Variants in NUMB observed in about 807,000 individuals in gnomAD.
NUMB encodes the protein NUMB endocytic adaptor protein.
In NUMB, 29 loss-of-function variants were observed where a neutral mutation model predicts 59.7. The ratio of observed to expected loss-of-function variants is 0.49; its 90% confidence interval spans 0.36 to 0.66. The LOEUF (loss-of-function observed/expected upper bound fraction) is 0.66. NUMB is among the 30% of genes least tolerant of loss of function. The pLI, the probability that NUMB is intolerant of heterozygous loss-of-function variation, is 0.00. For synonymous variants in NUMB, 288 were observed against 288.2 expected, an observed-to-expected ratio of 1.00 and a Z score of 0.01; for missense variants, 723 against 822.0, an observed-to-expected ratio of 0.88 and a Z score of 1.47.
chr14:73,367,348 T>TAG (rs71112740), intron 2 of NUMB, among the ~76,000 whole-genome samples: 1,106 of 105,296 alleles, frequency 0.011, 24 homozygotes, highest in African/African-American at 0.043. Flanking sequence ...TATATATATA[T>TAG]AGAGAGAGAG....
intron 6 of NUMB, among the ~76,000 whole-genome samples, chr14:73,315,960 C>T (rs978742704): frequency 1.9e-4 from 29 of 152,108 alleles, no homozygotes; most frequent in African/African-American, 4.8e-4. Context: ...GATCTCGGCT[C>T]ACTGCAACCT....
At chr14:73,408,990 A>C (rs1336249527) in intron 2 of NUMB, among the ~76,000 whole-genome samples, 12 of 152,184 alleles carry the variant, frequency 7.9e-5, no homozygotes, top group Admixed American at 7.9e-4. Context: ...AGAACACATC[A>C]AATTCTTATT....
intron 1 of NUMB, among the ~76,000 whole-genome samples, chr14:73,437,930 A>G (rs1327855434): frequency 6.6e-6 from 1 of 152,268 alleles, no homozygotes; most frequent in East Asian, 1.9e-4. Context: ...AATGTTAATG[A>G]TCATATTTTA....
intron 6 of NUMB, among the ~76,000 whole-genome samples, chr14:73,302,409 T>C (rs995202460): frequency 3.1e-4 from 31 of 100,202 alleles, no homozygotes; most frequent in Non-Finnish European, 5.1e-5. Context: ...ACATTTCTTT[T>C]TTTTTTTTTT....
chr14:73,318,465 G>A (rs1427109560), intron 5 of NUMB, among the ~76,000 whole-genome samples: 1 of 152,152 alleles, frequency 6.6e-6, no homozygotes, highest in Non-Finnish European at 1.5e-5. Flanking sequence ...GTAGTATAAT[G>A]AAACTAGTCT....
At chr14:73,429,056 C>A (rs892447933) in intron 1 of NUMB, among the ~76,000 whole-genome samples, 4 of 152,142 alleles carry the variant, frequency 2.6e-5, no homozygotes, top group Non-Finnish European at 4.4e-5. Context: ...TCTTCCAATC[C>A]CTCGCAACCA....
intron 9 of NUMB, chr14:73,284,594 G>A: frequency 2.4e-6 from 1 of 408,204 alleles, no homozygotes; most frequent in African/African-American, 2.0e-5. Context: ...AGACAGAAAT[G>A]TTAGATCTTT....
At chr14:73,419,497 A>G (rs886604247) in intron 1 of NUMB, among the ~76,000 whole-genome samples, 1 of 152,256 alleles carries the variant, frequency 6.6e-6, no homozygotes, top group African/African-American at 2.4e-5. Context: ...CGACAGAGCG[A>G]GACTCCATCA....
At chr14:73,408,638 G>A (rs894629090) in intron 2 of NUMB, among the ~76,000 whole-genome samples, 1 of 152,094 alleles carries the variant, frequency 6.6e-6, no homozygotes, top group Non-Finnish European at 1.5e-5. Flanking sequence ...AGCACTTTGG[G>A]AAGCCAAGGA....
At chr14:73,344,105 T>G (rs1892786139) in intron 4 of NUMB, among the ~76,000 whole-genome samples, 1 of 152,212 alleles carries the variant, frequency 6.6e-6, no homozygotes, top group Admixed American at 6.5e-5. Flanking sequence ...TTACCAACTT[T>G]ATCTATGTTT....
At chr14:73,372,007 G>A (rs1355153310) in intron 2 of NUMB, among the ~76,000 whole-genome samples, 9 of 152,100 alleles carry the variant, frequency 5.9e-5, no homozygotes, top group South Asian at 2.1e-4. Flanking sequence ...AGGCGTGGGA[G>A]GATCACTTGA....
chr14:73,288,241 CTG>C (rs1889142863), intron 8 of NUMB, among the ~76,000 whole-genome samples: 1 of 151,436 alleles, frequency 6.6e-6, no homozygotes, highest in South Asian at 2.1e-4. Context: ...CAGTGAGACT[CTG>C]TCTCTACCAA....
At chr14:73,452,888 G>C (rs964937226) in intron 1 of NUMB, among the ~76,000 whole-genome samples, 1 of 152,148 alleles carries the variant, frequency 6.6e-6, no homozygotes, top group African/African-American at 2.4e-5. Context: ...GTAATAACAA[G>C]CAGCAGAAAC....
chr14:73,416,408 C>T (rs1265508605), intron 1 of NUMB, among the ~76,000 whole-genome samples: 1 of 151,356 alleles, frequency 6.6e-6, no homozygotes, highest in Non-Finnish European at 1.5e-5. Flanking sequence ...CTCCTATTCA[C>T]TACTAGCAGG....
intron 2 of NUMB, among the ~76,000 whole-genome samples, chr14:73,407,975 C>A (rs1448978545): frequency 1.3e-5 from 2 of 152,180 alleles, no homozygotes; most frequent in Admixed American, 1.3e-4. Flanking sequence ...TGCCTGTAAT[C>A]CCAGCATTTT....
chr14:73,341,538 A>T (rs1284790242), intron 4 of NUMB, among the ~76,000 whole-genome samples: 1 of 152,148 alleles, frequency 6.6e-6, no homozygotes, highest in Non-Finnish European at 1.5e-5. Flanking sequence ...TCACTATAGA[A>T]TGGAAATGGG....
Position 73,358,705 on chromosome 14 carries a change from G to A in NUMB, c.-15-2939C>T, listed in dbSNP as rs548709761. ...ATACCTTCTTCTTACTTCTATTATTGTATGCATCAACCTTATAGTAATTTC... is the reference window on the plus strand; with the variant it reads ...ATACCTTCTTCTTACTTCTATTATTATATGCATCAACCTTATAGTAATTTC... On this transcript the variant is annotated intron_variant, in intron 3 of 12. Transcript: ENST00000555238. Among the ~76,000 whole-genome samples, 6 of 134,336 alleles carry A rather than the reference G, an allele frequency of 4.5e-5. 1 individual carries two copies. The South Asian group carries it at 1.2e-3, about 27-fold the overall frequency. 88.1% of individuals were successfully genotyped at this position (134,336 alleles called of 152,430 possible).
At chr14:73,312,341 G>A (rs777837991) in intron 6 of NUMB, among the ~76,000 whole-genome samples, 5 of 152,038 alleles carry the variant, frequency 3.3e-5, no homozygotes, top group African/African-American at 2.4e-5. Context: ...TGCAGTGACC[G>A]AGACTGCACC....
intron 2 of NUMB, among the ~76,000 whole-genome samples, chr14:73,394,684 C>A (rs1896030845): frequency 6.6e-6 from 1 of 152,152 alleles, no homozygotes; most frequent in Admixed American, 6.5e-5. Flanking sequence ...TTGACCTGTT[C>A]CCTCTCTTCC....
Sources: allele counts gnomAD v4.1 joint callset (sites outside exome capture counted in the v4.1 genomes callset), GRCh38; gene constraint gnomAD v4.1.1; transcripts MANE v1.5; gene names NCBI Gene and HGNC (gene_info 2026-07-23, HGNC 2026-07-21).